Variants in TENM2 observed in about 807,000 individuals in gnomAD.
TENM2 encodes the protein teneurin transmembrane protein 2, also known as teneurin-2.
TENM2 carries 52 observed loss-of-function variants against 245.2 expected under a neutral mutation model. That is an observed-to-expected ratio of 0.21 (90% CI 0.17 to 0.27). The LOEUF (loss-of-function observed/expected upper bound fraction) is 0.27, where lower values mean the gene tolerates loss of function less well. Among genes scored for constraint, TENM2 ranks in the 10% least tolerant of loss-of-function variants. The pLI is 1.00. For missense variants in TENM2, 3,046 were observed against 3,666.8 expected (o/e 0.83, Z 4.37); for synonymous variants, 1,363 against 1,438.9 (o/e 0.95, Z 1.19).
At chr5:167,622,934 G>A (rs1415576146) in intron 2 of TENM2, among the ~76,000 whole-genome samples, 1 of 152,088 alleles carries the variant, frequency 6.6e-6, no homozygotes, top group Non-Finnish European at 1.5e-5. Flanking sequence ...TGTTCTTGCT[G>A]CTGCTTGACC....
intron 2 of TENM2, among the ~76,000 whole-genome samples, chr5:167,766,658 C>A (rs1010531651): frequency 3.3e-5 from 5 of 152,004 alleles, no homozygotes; most frequent in African/African-American, 9.7e-5. Flanking sequence ...GGGCAGATCA[C>A]CTGAGGTCAG....
At chr5:167,863,880 T>G (rs1006117452) in intron 2 of TENM2, among the ~76,000 whole-genome samples, 1 of 152,170 alleles carries the variant, frequency 6.6e-6, no homozygotes, top group South Asian at 2.1e-4. Flanking sequence ...GAACAATTGT[T>G]CAGGGAGGGT....
upstream of TENM2, among the ~76,000 whole-genome samples, chr5:167,283,292 G>A (rs1355931255): frequency 2.0e-5 from 3 of 151,716 alleles, no homozygotes; most frequent in African/African-American, 4.8e-5. Flanking sequence ...CAATCCACCC[G>A]CCTCGGCCTC....
At chr5:167,884,638 T>C (rs1397427517) in intron 3 of TENM2, among the ~76,000 whole-genome samples, 5 of 152,236 alleles carry the variant, frequency 3.3e-5, no homozygotes, top group Non-Finnish European at 2.9e-5. Context: ...TACCACATTT[T>C]GTTTATTCAC....
rs1284748347 is a variant in TENM2 at position 167,435,965 on chromosome 5, C to CT, written c.502+60501dup. ...TACCTGGTAGAAGAAATTTCTTTTT[C>CT]TTTTTTTTTCTTTTTTTTTTTTTTT... On this transcript the variant is annotated intron_variant, in intron 2 of 28. Transcript: ENST00000518659. 9.4e-4 allele frequency among the ~76,000 whole-genome samples: 119 copies of CT among 125,952 alleles called. 2 individuals are homozygous for CT. The highest frequency in any genetic ancestry group is 1.6e-3 in the African/African-American group (50 of 31,896). 82.6% of individuals were successfully genotyped at this position (125,952 alleles called of 152,430 possible). A position where few individuals can be genotyped will look rare whatever the true frequency, so the allele number is the denominator to read the frequency against.
the TENM2 span, among the ~76,000 whole-genome samples, chr5:167,080,874 C>G: frequency 5.3e-5 from 8 of 152,026 alleles, no homozygotes; most frequent in African/African-American, 1.9e-4. Flanking sequence ...CAAAAGAACA[C>G]TTTTTATAAA....
chr5:167,116,543 C>T, the TENM2 span: 1 of 152,260 alleles, frequency 6.6e-6, no homozygotes, highest in African/African-American at 2.4e-5. Flanking sequence ...TGCTTTGGTA[C>T]AATAGTTATA....
chr5:167,041,650 A>G, the TENM2 span, among the ~76,000 whole-genome samples: 1 of 152,220 alleles, frequency 6.6e-6, no homozygotes, highest in Non-Finnish European at 1.5e-5. Flanking sequence ...ATTTCAGCAC[A>G]TGCATGAAAT....
chr5:167,367,355 C>A (rs1230753640), intron 1 of TENM2, among the ~76,000 whole-genome samples: 1 of 152,020 alleles, frequency 6.6e-6, no homozygotes, highest in Non-Finnish European at 1.5e-5. Flanking sequence ...AAATGTAATT[C>A]TTAAAGCACA....
rs529550561 is a variant in TENM2 at position 167,634,373 on chromosome 5, G to C, written c.503-241613G>C. On this transcript the variant is annotated intron_variant, in intron 2 of 28. Transcript: ENST00000518659. ...CTAGAAAGTTAGGAATTCTCTATTT[G>C]TAGTTTTAGGGTGTACTTAAAAGAA... 5.3e-5 allele frequency among the ~76,000 whole-genome samples: 8 copies of C among 152,126 alleles called. No individual in the cohort carries two copies. The South Asian group carries it at 1.7e-3, about 32-fold the overall frequency.
intron 2 of TENM2, among the ~76,000 whole-genome samples, chr5:167,610,514 C>T (rs527327750): frequency 1.3e-5 from 2 of 152,246 alleles, no homozygotes; most frequent in African/African-American, 2.4e-5. Flanking sequence ...AAAAGACCCT[C>T]ATCACTCCAG....
intron 2 of TENM2, among the ~76,000 whole-genome samples, chr5:167,745,923 T>C (rs781606072): frequency 2.0e-4 from 31 of 152,226 alleles, no homozygotes; most frequent in Non-Finnish European, 4.1e-4. Flanking sequence ...TTTGGGGCTC[T>C]TATGATGCCA....
At chr5:168,066,757 A>G (rs1291665809) in intron 7 of TENM2, among the ~76,000 whole-genome samples, 1 of 152,218 alleles carries the variant, frequency 6.6e-6, no homozygotes, top group Non-Finnish European at 1.5e-5. Context: ...TGGGGATGGT[A>G]TGTGTACAGT....
In TENM2 at chr5:167,499,609, G is replaced by A. The variant is rs1159273056; in HGVS notation, c.502+124136G>A. On this transcript the variant is annotated intron_variant, in intron 2 of 28. Coordinates refer to ENST00000518659, the Ensembl canonical transcript of TENM2. ...TTTGGGGCATGTTTAAAATTCCCAT[G>A]GAAGAAGACAATCAGAATTAAAAGA... 2.0e-5 allele frequency among the ~76,000 whole-genome samples: 3 copies of A among 152,110 alleles called. No homozygotes were observed. In the East Asian group the frequency reaches 5.8e-4, roughly 29 times the overall value.
intron 2 of TENM2, among the ~76,000 whole-genome samples, chr5:167,409,380 A>G (rs1182569636): frequency 6.6e-6 from 1 of 152,034 alleles, no homozygotes; most frequent in Non-Finnish European, 1.5e-5. Flanking sequence ...AAAAAGTTGT[A>G]AAAACAGTAC....
intron 5 of TENM2, among the ~76,000 whole-genome samples, chr5:168,028,968 C>T (rs74411222): frequency 1.4e-3 from 214 of 152,294 alleles, no homozygotes; most frequent in African/African-American, 4.9e-3. Context: ...TAGGGATAAA[C>T]CCTCTCTTAA....
chr5:168,145,678 C>T (rs975212189), intron 12 of TENM2, among the ~76,000 whole-genome samples: 6 of 152,008 alleles, frequency 3.9e-5, no homozygotes, highest in African/African-American at 1.5e-4. Context: ...TTTTTGGTTC[C>T]ATATGAACTT....
intron 5 of TENM2, among the ~76,000 whole-genome samples, chr5:168,036,081 C>A (rs797001644): frequency 4.6e-5 from 7 of 152,262 alleles, no homozygotes; most frequent in African/African-American, 1.7e-4. Flanking sequence ...AAGGGAGACA[C>A]CAGCCCCTAC....
chr5:167,273,244 G>A, the TENM2 span, among the ~76,000 whole-genome samples: 13 of 152,102 alleles, frequency 8.5e-5, no homozygotes, highest in Non-Finnish European at 1.3e-4. Flanking sequence ...CTTCAAGGGC[G>A]GAAATGTGGA....
Sources: allele counts gnomAD v4.1 joint callset (sites outside exome capture counted in the v4.1 genomes callset), GRCh38; gene constraint gnomAD v4.1.1; transcripts MANE v1.5; gene names NCBI Gene and HGNC (gene_info 2026-07-23, HGNC 2026-07-21).